Variants in PUM1 observed in about 807,000 individuals in gnomAD.
The protein encoded by PUM1 is pumilio homolog 1.
Under a neutral mutation model 131.8 loss-of-function variants are expected in PUM1, and 13 were observed. That is an observed-to-expected ratio of 0.10 (90% CI 0.06 to 0.16). The LOEUF is 0.16. Among genes scored for constraint, PUM1 ranks in the 10% least tolerant of loss-of-function variants. PUM1 has a pLI of 1.00. For missense variants in PUM1, 961 were observed against 1,512.4 expected (o/e 0.64, Z 6.05); for synonymous variants, 509 against 556.5 (o/e 0.91, Z 1.20).
intron 12 of PUM1, among the ~76,000 whole-genome samples, chr1:30,966,536 A>G (rs1286133224): frequency 6.6e-6 from 1 of 152,166 alleles, no homozygotes; most frequent in African/African-American, 2.4e-5. Context: ...AAGGGGTATA[A>G]ACATCAAATG....
intron 3 of PUM1, among the ~76,000 whole-genome samples, chr1:31,021,138 T>G (rs767675881): frequency 3.3e-5 from 5 of 152,244 alleles, no homozygotes; most frequent in Non-Finnish European, 7.3e-5. Context: ...AAAAATGCCT[T>G]TATATATCGG....
chr1:30,954,140 G>A (rs1640055654), intron 14 of PUM1, among the ~76,000 whole-genome samples, 159 bp from the exon 15 acceptor site: 1 of 152,180 alleles, frequency 6.6e-6, no homozygotes, highest in African/African-American at 2.4e-5. Context: ...TGACTTTCGT[G>A]GGTCAACTCA....
intron 7 of PUM1, among the ~76,000 whole-genome samples, chr1:30,986,523 C>T (rs922208860): frequency 5.3e-5 from 8 of 151,404 alleles, no homozygotes; most frequent in Admixed American, 2.6e-4. Flanking sequence ...TTTTCGTAGG[C>T]GCATACAAAT....
intron 13 of PUM1, 151 bp from the exon 14 acceptor site, chr1:30,965,061 G>A (rs1165400687): frequency 4.7e-6 from 3 of 634,738 alleles, no homozygotes; most frequent in Admixed American, 2.8e-5. Flanking sequence ...CAGTACTAGG[G>A]GCAGATAAGT....
intron 9 of PUM1, among the ~76,000 whole-genome samples, chr1:30,976,919 A>G (rs4949330): frequency 0.022 from 3,322 of 152,298 alleles, 69 homozygotes; most frequent in Non-Finnish European, 0.028. Flanking sequence ...AAAGAAATAA[A>G]TAAGAGAAAA....
chr1:30,942,235 A>G (rs897514405), intron 18 of PUM1, 112 bp from the exon 19 acceptor site: 11 of 178,696 alleles, frequency 6.2e-5, no homozygotes, highest in South Asian at 1.9e-4. Context: ...ATATATATAT[A>G]TGTATTATCC....
chr1:31,062,140 GCTTA>G (rs1391657543), intron 1 of PUM1, among the ~76,000 whole-genome samples: 1 of 152,166 alleles, frequency 6.6e-6, no homozygotes, highest in Non-Finnish European at 1.5e-5. Context: ...TCGTTCCCAA[GCTTA>G]CTTCTTTCTA....
intron 3 of PUM1, among the ~76,000 whole-genome samples, chr1:31,028,560 T>G (rs1643303246): frequency 6.6e-6 from 1 of 152,242 alleles, no homozygotes; most frequent in Admixed American, 6.5e-5. Context: ...CAATAATTTG[T>G]GCTCACATTT....
In PUM1 at chr1:31,007,625, C is replaced by T. The variant is rs145753141; in HGVS notation, c.433-523G>A. On this transcript the variant is annotated intron_variant, in intron 3 of 21. Transcript: ENST00000426105. ...GAGACTCCATTAACCAAAATACTTC[C>T]CAACCACAACACTAACCTATTCCAA... is the stretch of plus-strand genomic sequence containing the variant. Among the ~76,000 whole-genome samples, 479 of 152,256 alleles carry T rather than the reference C, an allele frequency of 3.1e-3. 2 individuals are homozygous for T. The highest frequency in any genetic ancestry group is 0.011 in the African/African-American group (454 of 41,560).
At chr1:31,016,815 A>C (rs2124526673) in intron 3 of PUM1, among the ~76,000 whole-genome samples, 1 of 152,352 alleles carries the variant, frequency 6.6e-6, no homozygotes, top group East Asian at 1.9e-4. Flanking sequence ...GAAATCTAAT[A>C]TACTGCTTTT....
At chr1:31,034,503 G>A (rs1643540849) in intron 2 of PUM1, among the ~76,000 whole-genome samples, 1 of 152,082 alleles carries the variant, frequency 6.6e-6, no homozygotes, top group African/African-American at 2.4e-5. Context: ...ACCCAGGTGT[G>A]GTGGCTAATT....
chr1:31,038,901 A>G (rs1643703286), intron 2 of PUM1, among the ~76,000 whole-genome samples: 1 of 146,648 alleles, frequency 6.8e-6, no homozygotes, highest in Admixed American at 6.9e-5. Context: ...ATACAGCAGT[A>G]ATTATTAAAG....
chr1:31,048,107 C>G (rs190585515), intron 2 of PUM1, among the ~76,000 whole-genome samples: 1 of 151,604 alleles, frequency 6.6e-6, no homozygotes, highest in Non-Finnish European at 1.5e-5. Context: ...GGCTTGGTGG[C>G]GGGCGCCTAT....
chr1:30,990,162 A>C lies in PUM1; in HGVS notation c.1158+2228T>G, dbSNP rs376287693. Among the ~76,000 whole-genome samples, 15 of 152,360 alleles carry C rather than the reference A, an allele frequency of 9.8e-5. No individual in the cohort carries two copies. In the East Asian group the frequency reaches 2.9e-3, roughly 29 times the overall value. On this transcript the variant is annotated intron_variant, in intron 7 of 21. Coordinates refer to ENST00000426105, the MANE Select transcript of PUM1 (RefSeq NM_001020658.2). The stretch of plus-strand genomic sequence containing the variant: ...TTTAATTTTGGGAAGCATATTACGT[A>C]CAGAGGATGCACTGAGATATTATAA...
At chr1:30,941,667 G>A (rs1186380630) in intron 19 of PUM1, among the ~76,000 whole-genome samples, 2 of 152,118 alleles carry the variant, frequency 1.3e-5, no homozygotes, top group African/African-American at 4.8e-5. Context: ...ATGTATCAAA[G>A]CTAAAAACAA....
intron 2 of PUM1, among the ~76,000 whole-genome samples, chr1:31,055,864 C>A (rs1243231031): frequency 1.3e-5 from 2 of 152,170 alleles, no homozygotes; most frequent in Admixed American, 6.5e-5. Context: ...ACCTGCCAGG[C>A]ACCTTGACTC....
intron 7 of PUM1, among the ~76,000 whole-genome samples, chr1:30,991,579 A>G (rs1038388869): frequency 6.6e-6 from 1 of 152,248 alleles, no homozygotes; most frequent in African/African-American, 2.4e-5. Context: ...AGTCTGCATT[A>G]ACGATCTATT....
intron 7 of PUM1, among the ~76,000 whole-genome samples, chr1:30,987,072 C>T (rs1421338315): frequency 6.6e-6 from 1 of 152,112 alleles, no homozygotes; most frequent in Non-Finnish European, 1.5e-5. Flanking sequence ...AAACATACTA[C>T]ATTAGGCTAT....
intron 18 of PUM1, among the ~76,000 whole-genome samples, chr1:30,943,130 G>C (rs1639528058): frequency 6.6e-6 from 1 of 152,076 alleles, no homozygotes; most frequent in African/African-American, 2.4e-5. Context: ...GGTTCTCCTT[G>C]AATTTAGCTT....
Sources: gnomAD v4.1 joint callset for allele counts (sites outside exome capture counted in the v4.1 genomes callset) on GRCh38, gnomAD v4.1.1 for gene constraint, MANE v1.5 for transcripts, NCBI Gene and HGNC (gene_info 2026-07-23, HGNC 2026-07-21) for gene names.